Variants in NFIC observed in about 807,000 individuals in gnomAD.
The protein encoded by NFIC is nuclear factor I C.
A neutral mutation model predicts 54.4 loss-of-function variants in NFIC; 12 were observed. The ratio of observed to expected loss-of-function variants is 0.22; its 90% CI spans 0.14 to 0.36. The LOEUF (loss-of-function observed/expected upper bound fraction) is 0.36, where lower values mean the gene tolerates loss of function less well. NFIC is among the 10% of genes least tolerant of loss of function. The pLI, the probability that NFIC is intolerant of heterozygous loss-of-function variation, is 1.00. For synonymous variants in NFIC, 322 were observed against 319.2 expected (o/e 1.01, Z -0.09); for missense variants, 575 against 718.2 (o/e 0.80, Z 2.28).
chr19:3,467,758 CATATATATATATATAT>C lies in NFIC; in HGVS notation c.*5005_*5020del, dbSNP rs551667735. 3.2e-4 allele frequency: 22 copies of C among 69,636 alleles called. No homozygotes were observed. The East Asian group carries it at 4.6e-3, about 15-fold the overall frequency. 4.3% of individuals were successfully genotyped at this position (69,636 alleles called of 1,614,324 possible). ...ACCTCCAGTGTAGGGCTATACTATA[CATATATATATATATAT>C]ATATATATATATATAATTTTGGAAT... On this transcript the variant is annotated 3_prime_UTR_variant, in exon 11 of 11. Coordinates refer to ENST00000443272, the MANE Select transcript of NFIC (RefSeq NM_001245002.2).
chr19:3,380,628 CT>C (rs1159916071), intron 1 of NFIC, among the ~76,000 whole-genome samples: 188 of 96,050 alleles, frequency 2.0e-3, no homozygotes, highest in Non-Finnish European at 2.3e-3. Flanking sequence ...TGCGCCCAGG[CT>C]TTTTTTTTTT....
Position 3,464,889 on chromosome 19 carries a change from T to G in NFIC, c.*2120T>G, listed in dbSNP as rs1599740572. ...CCGGGAGGGCGGGCGGGGGAGGGGG[T>G]GGTCGGGTTGTGCCATTGGGGTGTC... On this transcript the variant is annotated 3_prime_UTR_variant, in exon 11 of 11. Transcript: ENST00000443272. 1.2e-5 allele frequency: 2 copies of G among 170,588 alleles called. No individual in the cohort carries two copies. The highest frequency in any genetic ancestry group is 2.1e-5 in the Non-Finnish European group (2 of 93,412). The allele number at this position is 170,588 out of a possible 1,614,324, so 10.6% of individuals were successfully genotyped here. A position where few individuals can be genotyped will look rare whatever the true frequency, so the allele number is the denominator to read the frequency against.
In NFIC at chr19:3,390,819, A is replaced by G. The variant is rs1051438242; in HGVS notation, c.562+8576A>G. ...CTCCTAGGAGGTCCATAGAGTCGCC[A>G]GATTCACAGAGACAGAAAGTAGGAT... On this transcript the variant is annotated intron_variant, in intron 2 of 10. Transcript: ENST00000443272. Among the ~76,000 whole-genome samples the G allele has an allele frequency of 3.4e-5, 5 of 144,996 alleles. No individual in the cohort carries two copies. In the East Asian group the frequency reaches 1.1e-3, roughly 32 times the overall value.
intron 7 of NFIC, among the ~76,000 whole-genome samples, chr19:3,451,832 C>T (rs528161769): frequency 7.0e-6 from 1 of 142,184 alleles, no homozygotes; most frequent in Non-Finnish European, 1.6e-5. Context: ...AAAAAAAAGA[C>T]GGGGCCAGGT....
chr19:3,436,309 ATTTTTTTTTTTTTTT>A (rs71166903), intron 6 of NFIC, among the ~76,000 whole-genome samples: 1 of 85,486 alleles, frequency 1.2e-5, no homozygotes, highest in South Asian at 3.8e-4. Flanking sequence ...TGCGCCGTTA[ATTTTTTTTTTTTTTT>A]TTTTTTTTTT....
At chr19:3,359,664 G>A in exon 1 of NFIC, 3 of 1,400,978 alleles carry the variant, frequency 2.1e-6, no homozygotes, top group Middle Eastern at 2.3e-4. Flanking sequence ...CGCCGGCCTC[G>A]CCTCCTCGCA....
chr19:3,400,054 C>T (rs560497295), intron 2 of NFIC, among the ~76,000 whole-genome samples: 2 of 152,204 alleles, frequency 1.3e-5, no homozygotes, highest in South Asian at 4.1e-4. Flanking sequence ...TAGGACAGCA[C>T]GGAGCACAGA....
intron 2 of NFIC, among the ~76,000 whole-genome samples, chr19:3,423,626 C>T (rs548601997): frequency 6.6e-6 from 1 of 152,324 alleles, no homozygotes; most frequent in Admixed American, 6.5e-5. Context: ...TGTGACTCGT[C>T]CTGCATCCAG....
At chr19:3,454,196 G>A (rs73919189) in intron 9 of NFIC, 144,745 of 1,234,548 alleles carry the variant, frequency 0.12, 11,425 homozygotes, top group African/African-American at 0.36. Flanking sequence ...GCCGTGGGCC[G>A]TCAGAAACCC....
At chr19:3,435,035 C>T in intron 5 of NFIC, 48 bp from the exon 6 acceptor site, 2 of 1,514,468 alleles carry the variant, frequency 1.3e-6, no homozygotes, top group Non-Finnish European at 1.8e-6. Flanking sequence ...GCGCCCCCCG[C>T]CCCGCGTCTC....
intron 7 of NFIC, among the ~76,000 whole-genome samples, chr19:3,451,439 C>T (rs2082460835): frequency 6.6e-6 from 1 of 151,866 alleles, no homozygotes; most frequent in Non-Finnish European, 1.5e-5. Flanking sequence ...TTGAGACCAG[C>T]TTGGGCAACA....
chr19:3,428,385 G>A (rs1186014345), intron 3 of NFIC, among the ~76,000 whole-genome samples: 1 of 151,702 alleles, frequency 6.6e-6, no homozygotes, highest in Non-Finnish European at 1.5e-5. Context: ...GGAGGAGGCG[G>A]AGGTTGCAGT....
rs556891326 is a variant in NFIC at position 3,384,150 on chromosome 19, G to A, written c.562+1907G>A. Among the ~76,000 whole-genome samples the A allele has an allele frequency of 1.9e-4, 28 of 151,148 alleles. No individual in the cohort carries two copies. In the East Asian group the frequency reaches 4.1e-3, roughly 22 times the overall value. On this transcript the variant is annotated intron_variant, in intron 2 of 10. Coordinates refer to ENST00000443272, the MANE Select transcript of NFIC (RefSeq NM_001245002.2). ...GCTCACTGTAGCCTCGACCTCCCAG[G>A]CTCAAGCAATCCTCCTGCCTCACCC...
intron 2 of NFIC, among the ~76,000 whole-genome samples, chr19:3,422,184 G>A (rs986034973): frequency 3.3e-5 from 5 of 151,976 alleles, no homozygotes; most frequent in South Asian, 2.1e-4. Flanking sequence ...TGATCTGCCC[G>A]CCTCGGCCTC....
chr19:3,454,686 C>A (rs1264808742), intron 9 of NFIC, among the ~76,000 whole-genome samples: 1 of 151,924 alleles, frequency 6.6e-6, no homozygotes, highest in African/African-American at 2.4e-5. Context: ...TCTCTGAACC[C>A]AGAGACCTCT....
chr19:3,425,553 G>A (rs367846215), intron 3 of NFIC, among the ~76,000 whole-genome samples: 6 of 151,688 alleles, frequency 4.0e-5, no homozygotes, highest in East Asian at 3.9e-4. Flanking sequence ...TCCGCTTCCC[G>A]GGTTCAAGTG....
At chr19:3,360,843 G>T (rs1260330849) in intron 1 of NFIC, among the ~76,000 whole-genome samples, 1 of 151,312 alleles carries the variant, frequency 6.6e-6, no homozygotes. Flanking sequence ...TGTGGCGGTT[G>T]GGGGGGGTCG....
At chr19:3,435,284 C>G in intron 6 of NFIC, 77 bp downstream of exon 6, 1 of 1,442,542 alleles carries the variant, frequency 6.9e-7, no homozygotes, top group South Asian at 1.4e-5. Context: ...CCGGCAGCCA[C>G]TGCGCGGGCG....
upstream of NFIC, among the ~76,000 whole-genome samples, chr19:3,364,342 G>T (rs901760037): frequency 6.6e-6 from 1 of 152,154 alleles, no homozygotes; most frequent in Non-Finnish European, 1.5e-5. Context: ...AACCTGGAGG[G>T]TTATGAGCTG....
Sources: gnomAD v4.1 joint callset for allele counts (sites outside exome capture counted in the v4.1 genomes callset) on GRCh38, gnomAD v4.1.1 for gene constraint, MANE v1.5 for transcripts, NCBI Gene and HGNC (gene_info 2026-07-23, HGNC 2026-07-21) for gene names.